LINGO2: variants seen among roughly 807,000 people sequenced by gnomAD.
The protein encoded by LINGO2 is leucine-rich repeat and immunoglobulin-like domain-containing nogo receptor-interacting protein 2.
Under a neutral mutation model 30.6 loss-of-function variants are expected in LINGO2, and 14 were observed. The observed-to-expected ratio is 0.46, with a 90% confidence interval of 0.30 to 0.72. The LOEUF is 0.72. LINGO2 is among the 30% of genes least tolerant of loss of function. The pLI, the probability that LINGO2 is intolerant of heterozygous loss-of-function variation, is 0.07. For synonymous variants in LINGO2, 317 were observed against 288.5 expected (o/e 1.10, Z -1.00); for missense variants, 729 against 751.7 (o/e 0.97, Z 0.35).
At chr9:29,143,102 T>C in the LINGO2 span, among the ~76,000 whole-genome samples, 1 of 152,092 alleles carries the variant, frequency 6.6e-6, no homozygotes. Flanking sequence ...TGTAAAGACT[T>C]GTACACTGAA....
the LINGO2 span, among the ~76,000 whole-genome samples, chr9:28,932,507 G>A: frequency 4.8e-3 from 731 of 152,258 alleles, 2 homozygotes; most frequent in Non-Finnish European, 7.3e-3. Context: ...TGCTAAGCGT[G>A]TTTAAGACAA....
At chr9:28,413,122 TTA>T (rs1822835812) in intron 2 of LINGO2, among the ~76,000 whole-genome samples, 1 of 152,140 alleles carries the variant, frequency 6.6e-6, no homozygotes, top group Non-Finnish European at 1.5e-5. Context: ...AATCTACTGT[TTA>T]TGTTATTAAT....
At chr9:29,165,168 TTATATC>T in the LINGO2 span, among the ~76,000 whole-genome samples, 1 of 152,168 alleles carries the variant, frequency 6.6e-6, no homozygotes, top group South Asian at 2.1e-4. Context: ...ATGGGAAAAC[TTATATC>T]TATATTTGGC....
chr9:28,781,758 T>C, the LINGO2 span, among the ~76,000 whole-genome samples: 1 of 151,922 alleles, frequency 6.6e-6, no homozygotes, highest in Non-Finnish European at 1.5e-5. Context: ...AAATTATCAA[T>C]AAAAGGAGGA....
chr9:28,035,973 C>T (rs1277310499), intron 4 of LINGO2, among the ~76,000 whole-genome samples: 1 of 152,046 alleles, frequency 6.6e-6, no homozygotes, highest in Non-Finnish European at 1.5e-5. Flanking sequence ...CATTCAATAT[C>T]TAGCCTCTAC....
the LINGO2 span, among the ~76,000 whole-genome samples, chr9:28,687,508 A>G: frequency 6.6e-6 from 1 of 152,078 alleles, no homozygotes; most frequent in South Asian, 2.1e-4. Context: ...CTGTCCTATA[A>G]TATGTCTTCT....
chr9:28,883,342 C>G, the LINGO2 span, among the ~76,000 whole-genome samples: 54 of 151,418 alleles, frequency 3.6e-4, no homozygotes, highest in East Asian at 0.01. Context: ...CCGGCCTAGT[C>G]TTTTTAAATT....
At chr9:28,291,855 A>T (rs773954926) in intron 4 of LINGO2, among the ~76,000 whole-genome samples, 2 of 152,178 alleles carry the variant, frequency 1.3e-5, no homozygotes, top group Non-Finnish European at 2.9e-5. Flanking sequence ...AACTTGGCAA[A>T]TTCCAAACAG....
rs554798348 is a variant in LINGO2 at position 28,514,348 on chromosome 9, C to T, written c.-364-38323G>A. 2.6e-5 allele frequency among the ~76,000 whole-genome samples: 4 copies of T among 152,230 alleles called. No individual in the cohort carries two copies. The South Asian group carries it at 8.3e-4, about 32-fold the overall frequency. On this transcript the variant is annotated intron_variant, in intron 1 of 5. Coordinates refer to ENST00000379992, the Ensembl canonical transcript of LINGO2. ...ATGATTAAGCTTAATGAGAAAAACACATTGAAAGCTAAGATAGGCTGAAAA... is the reference window on the plus strand; with the variant it reads ...ATGATTAAGCTTAATGAGAAAAACATATTGAAAGCTAAGATAGGCTGAAAA...
At chr9:28,138,819 G>T (rs897329032) in intron 4 of LINGO2, among the ~76,000 whole-genome samples, 2 of 152,138 alleles carry the variant, frequency 1.3e-5, no homozygotes, top group African/African-American at 4.8e-5. Flanking sequence ...GTATGTACAA[G>T]ATTGAAGTTC....
chr9:29,090,410 C>T, the LINGO2 span, among the ~76,000 whole-genome samples: 6 of 152,052 alleles, frequency 3.9e-5, no homozygotes, highest in East Asian at 7.7e-4. Context: ...TCTGAGCAAC[C>T]GTCATTTAGT....
the LINGO2 span, among the ~76,000 whole-genome samples, chr9:29,183,445 C>G: frequency 2.8e-4 from 43 of 152,238 alleles, no homozygotes; most frequent in Non-Finnish European, 4.7e-4. Context: ...GTCCACAGTA[C>G]CTTCAACTTT....
the LINGO2 span, among the ~76,000 whole-genome samples, chr9:28,920,933 G>A: frequency 1.3e-5 from 2 of 152,092 alleles, no homozygotes; most frequent in Non-Finnish European, 2.9e-5. Flanking sequence ...TGGTTATGAA[G>A]ATTACAAATG....
chr9:27,977,849 T>C (rs1242696235), intron 5 of LINGO2, among the ~76,000 whole-genome samples: 2 of 151,834 alleles, frequency 1.3e-5, no homozygotes, highest in African/African-American at 2.4e-5. Flanking sequence ...ACTGCAACTA[T>C]TTTGATTTTT....
intron 5 of LINGO2, among the ~76,000 whole-genome samples, chr9:27,953,459 A>G (rs1471727186): frequency 6.6e-6 from 1 of 151,960 alleles, no homozygotes; most frequent in Non-Finnish European, 1.5e-5. Flanking sequence ...GACGGCTAAT[A>G]TGGTTTGGCT....
At chr9:28,667,763 A>ACAAAT (rs1427380695) in intron 1 of LINGO2, among the ~76,000 whole-genome samples, 2 of 152,036 alleles carry the variant, frequency 1.3e-5, no homozygotes, top group Non-Finnish European at 2.9e-5. Context: ...AAAAACAAAA[A>ACAAAT]CAAAACACAA....
At chr9:28,005,137 C>T (rs1410041716) in intron 5 of LINGO2, among the ~76,000 whole-genome samples, 1 of 152,206 alleles carries the variant, frequency 6.6e-6, no homozygotes, top group Non-Finnish European at 1.5e-5. Context: ...CCCAGTAACA[C>T]ATGACTCTCA....
chr9:28,627,291 G>A (rs1826724557), intron 1 of LINGO2, among the ~76,000 whole-genome samples: 1 of 151,994 alleles, frequency 6.6e-6, no homozygotes, highest in Non-Finnish European at 1.5e-5. Context: ...CAGTGATTAT[G>A]TACCTTACAG....
the LINGO2 span, among the ~76,000 whole-genome samples, chr9:28,825,115 G>A: frequency 6.6e-6 from 1 of 152,014 alleles, no homozygotes; most frequent in Non-Finnish European, 1.5e-5. Context: ...CATTATCTAT[G>A]CCTGATTCAT....
Sources: allele counts gnomAD v4.1 joint callset (sites outside exome capture counted in the v4.1 genomes callset), GRCh38; gene constraint gnomAD v4.1.1; transcripts MANE v1.5; gene names NCBI Gene and HGNC (gene_info 2026-07-23, HGNC 2026-07-21).